ERBB4: variants seen among roughly 807,000 people sequenced by gnomAD.
ERBB4 encodes receptor tyrosine-protein kinase erbB-4.
In ERBB4, 42 loss-of-function variants were observed where a neutral mutation model predicts 158.0. That is an observed-to-expected ratio of 0.27 (90% CI 0.21 to 0.34). ERBB4 has a LOEUF of 0.34. ERBB4 is among the 10% of genes least tolerant of loss of function. The probability of loss-of-function intolerance (pLI) is 1.00; values close to 1 mark genes in which losing one functional copy is unlikely to be tolerated. For missense variants in ERBB4, 1,333 were observed against 1,624.1 expected, an observed-to-expected ratio of 0.82 and a Z score of 3.08; for synonymous variants, 583 against 558.7, an observed-to-expected ratio of 1.04 and a Z score of -0.61.
At chr2:212,128,020 G>A (rs572030923) in intron 1 of ERBB4, among the ~76,000 whole-genome samples, 120 of 152,196 alleles carry the variant, frequency 7.9e-4, no homozygotes, top group African/African-American at 2.6e-3. Flanking sequence ...TCTAAATTCC[G>A]CATTAAATAA....
intron 2 of ERBB4, among the ~76,000 whole-genome samples, chr2:212,093,871 A>G (rs919607518): frequency 2.6e-5 from 4 of 152,136 alleles, no homozygotes; most frequent in African/African-American, 9.7e-5. Flanking sequence ...GACACATCAG[A>G]AAAAAATAAG....
At chr2:212,308,511 A>G (rs1310737700) in intron 1 of ERBB4, among the ~76,000 whole-genome samples, 1 of 151,046 alleles carries the variant, frequency 6.6e-6, no homozygotes. Context: ...AAGAAGCTTT[A>G]AAAGACCAGA....
intron 25 of ERBB4, among the ~76,000 whole-genome samples, chr2:211,393,643 G>GTGTT (rs2062849930): frequency 1.3e-5 from 2 of 152,042 alleles, no homozygotes; most frequent in South Asian, 4.1e-4. Flanking sequence ...TGCTGATAAT[G>GTGTT]TGTTACATTA....
At chr2:212,347,482 T>C (rs868015490) in intron 1 of ERBB4, among the ~76,000 whole-genome samples, 5 of 152,134 alleles carry the variant, frequency 3.3e-5, no homozygotes, top group African/African-American at 1.2e-4. Context: ...GGAATAGAAA[T>C]AGTGTGACTT....
intron 3 of ERBB4, among the ~76,000 whole-genome samples, chr2:211,841,975 T>TC (rs929278294): frequency 4.6e-5 from 7 of 152,166 alleles, no homozygotes; most frequent in African/African-American, 1.7e-4. Flanking sequence ...TAATTTTTTT[T>TC]CAAATATGTC....
intron 1 of ERBB4, among the ~76,000 whole-genome samples, chr2:212,459,973 A>C (rs1269346963): frequency 6.6e-6 from 1 of 152,160 alleles, no homozygotes; most frequent in Non-Finnish European, 1.5e-5. Flanking sequence ...GTGTTGTGGG[A>C]GGAACCTGAT....
intron 1 of ERBB4, among the ~76,000 whole-genome samples, chr2:212,237,109 G>C (rs1456504150): frequency 6.6e-6 from 1 of 152,074 alleles, no homozygotes; most frequent in African/African-American, 2.4e-5. Context: ...GGCATTTAGT[G>C]CTATAAATTT....
At chr2:212,003,225 G>A (rs2076177086) in intron 2 of ERBB4, among the ~76,000 whole-genome samples, 3 of 83,774 alleles carry the variant, frequency 3.6e-5, no homozygotes, top group East Asian at 2.2e-4. Flanking sequence ...AGGAAGGAAG[G>A]AAGGAAGGAA....
At chr2:212,171,615 AG>A (rs2081522348) in intron 1 of ERBB4, among the ~76,000 whole-genome samples, 1 of 152,076 alleles carries the variant, frequency 6.6e-6, no homozygotes, top group Non-Finnish European at 1.5e-5. Flanking sequence ...TGGATCATGT[AG>A]GTGTCTTCCC....
intron 1 of ERBB4, among the ~76,000 whole-genome samples, chr2:212,413,178 G>A (rs944921994): frequency 1.4e-5 from 2 of 146,556 alleles, no homozygotes; most frequent in Non-Finnish European, 3.0e-5. Flanking sequence ...CGTAGAGACG[G>A]GGTTTCACTA....
At chr2:211,820,953 CAA>C (rs1177514112) in intron 3 of ERBB4, among the ~76,000 whole-genome samples, 3 of 151,712 alleles carry the variant, frequency 2.0e-5, no homozygotes, top group Non-Finnish European at 4.4e-5. Flanking sequence ...TACGTAACAT[CAA>C]AAGTTTCCAG....
At chr2:211,875,918 A>C (rs887362986) in intron 3 of ERBB4, among the ~76,000 whole-genome samples, 2 of 152,222 alleles carry the variant, frequency 1.3e-5, no homozygotes, top group Non-Finnish European at 1.5e-5. Flanking sequence ...AGGCTAGACC[A>C]TATAGCCCAG....
At chr2:212,519,875 G>C (rs1286314683) in intron 1 of ERBB4, among the ~76,000 whole-genome samples, 1 of 151,850 alleles carries the variant, frequency 6.6e-6, no homozygotes, top group Non-Finnish European at 1.5e-5. Context: ...AATATGTTTA[G>C]TAATTTATTG....
chr2:211,863,992 A>T (rs986661232), intron 3 of ERBB4, among the ~76,000 whole-genome samples: 3 of 152,256 alleles, frequency 2.0e-5, no homozygotes, highest in African/African-American at 7.2e-5. Context: ...TGTTAGAAGC[A>T]TTGAGAGAGA....
chr2:212,524,727 G>T (rs745737846), intron 1 of ERBB4, among the ~76,000 whole-genome samples: 2 of 151,896 alleles, frequency 1.3e-5, no homozygotes, highest in Non-Finnish European at 2.9e-5. Context: ...TGTCTATGCT[G>T]TGATACACTT....
chr2:212,418,792 T>C (rs142385858), intron 1 of ERBB4, among the ~76,000 whole-genome samples: 5 of 151,888 alleles, frequency 3.3e-5, no homozygotes, highest in East Asian at 3.9e-4. Flanking sequence ...ATCTTCATAA[T>C]AACAAATTTT....
At chr2:212,525,496 G>T (rs1692399901) in intron 1 of ERBB4, among the ~76,000 whole-genome samples, 1 of 151,888 alleles carries the variant, frequency 6.6e-6, no homozygotes, top group African/African-American at 2.4e-5. Flanking sequence ...ATCCTTAACA[G>T]ATATATAAAT....
chr2:211,504,757 A>G (rs2065703245), intron 20 of ERBB4, among the ~76,000 whole-genome samples: 1 of 152,138 alleles, frequency 6.6e-6, no homozygotes, highest in South Asian at 2.1e-4. Flanking sequence ...ATATTTTTGA[A>G]AAGCCAAAGA....
intron 25 of ERBB4, among the ~76,000 whole-genome samples, chr2:211,408,663 C>A (rs2063193670): frequency 2.0e-5 from 3 of 152,194 alleles, no homozygotes; most frequent in African/African-American, 7.2e-5. Context: ...ACAAGTTGTT[C>A]TTTCAGGTGA....
Sources: gnomAD v4.1 joint callset for allele counts (sites outside exome capture counted in the v4.1 genomes callset) on GRCh38, gnomAD v4.1.1 for gene constraint, MANE v1.5 for transcripts, NCBI Gene and HGNC (gene_info 2026-07-23, HGNC 2026-07-21) for gene names.